The following CLTA variants were observed in gnomAD, a reference collection of about 807,000 sequenced individuals.
CLTA encodes the protein clathrin light chain A.
In CLTA, 9 loss-of-function variants were observed where a neutral mutation model predicts 26.9. The ratio of observed to expected loss-of-function variants is 0.33; its 90% CI spans 0.20 to 0.58. CLTA has a LOEUF of 0.58. Ranked by LOEUF, CLTA falls within the 20% of genes least tolerant of loss-of-function variation. The pLI, the probability that CLTA is intolerant of heterozygous loss-of-function variation, is 0.85. For synonymous variants in CLTA, 120 were observed against 115.5 expected, an observed-to-expected ratio of 1.04 and a Z score of -0.25; for missense variants, 278 against 294.2, an observed-to-expected ratio of 0.94 and a Z score of 0.40.
chr9:36,196,999 C>T (rs1827089786), intron 1 of CLTA, among the ~76,000 whole-genome samples: 1 of 152,108 alleles, frequency 6.6e-6, no homozygotes, highest in Admixed American at 6.5e-5. Flanking sequence ...CATGGCGAAA[C>T]CCCCTTCCTA....
intron 4 of CLTA, among the ~76,000 whole-genome samples, chr9:36,210,218 A>C (rs932163050): frequency 1.6e-4 from 25 of 151,958 alleles, no homozygotes; most frequent in African/African-American, 5.3e-4. Flanking sequence ...ATGAGAAGTA[A>C]GGGTGGAATG....
In CLTA at chr9:36,191,116, G is replaced by C; in HGVS notation, c.60G>C (p.Gly20=). The C allele has an allele frequency of 6.2e-7, 1 of 1,601,086 alleles. No individual in the cohort carries two copies. Residue 20 remains glycine, a synonymous_variant, in exon 1 of 5, where the codon GGG becomes GGC. Coordinates refer to ENST00000345519, the MANE Select transcript of CLTA (RefSeq NM_001833.4). ...GCGCCCCTGGCGGTCCCGCGCTGGGGAACGGAGTGGCCGGCGCCGGCGAAG... is the reference window on the plus strand; with the variant it reads ...GCGCCCCTGGCGGTCCCGCGCTGGGCAACGGAGTGGCCGGCGCCGGCGAAG... ...PAGAPGGPAL[G]NGVAGAGEED... is the part of the protein sequence containing the mutation.
chr9:36,193,583 G>A (rs952747808), intron 1 of CLTA, among the ~76,000 whole-genome samples: 37 of 152,286 alleles, frequency 2.4e-4, no homozygotes, highest in Middle Eastern at 6.8e-3. Context: ...TGGGAGAAAG[G>A]AGTTACAAGG....
chr9:36,191,164 G>C lies in CLTA; in HGVS notation c.108G>C (p.Leu36Phe). 6.3e-7 allele frequency: 1 copy of C among 1,597,398 alleles called. No homozygotes were observed. The highest frequency in any genetic ancestry group is 8.5e-7 in the Non-Finnish European group (1 of 1,174,216). Reference sequence around the variant, plus strand: ...AAGAAGACCCGGCTGCGGCCTTCTTGGCGCAGCAAGAGAGCGAGATTGCGG... The same window carrying C: ...AAGAAGACCCGGCTGCGGCCTTCTTCGCGCAGCAAGAGAGCGAGATTGCGG... ...AGEEDPAAAF[L>F]AQQESEIAGI... is the part of the protein sequence containing the mutation. Residue 36 changes from leucine to phenylalanine, a missense_variant, in exon 1 of 5, where the codon TTG becomes TTC. Leu to Phe is a conservative substitution (Grantham distance 22, BLOSUM62 0). Coordinates refer to ENST00000345519, the MANE Select transcript of CLTA (RefSeq NM_001833.4).
chr9:36,207,273 G>T (rs1827782647), intron 4 of CLTA, among the ~76,000 whole-genome samples: 1 of 152,232 alleles, frequency 6.6e-6, no homozygotes, highest in African/African-American at 2.4e-5. Context: ...CCATGGAAAA[G>T]AATTTCCTTT....
intron 1 of CLTA, among the ~76,000 whole-genome samples, chr9:36,194,206 T>C (rs1267884248): frequency 1.3e-5 from 2 of 152,184 alleles, no homozygotes; most frequent in Non-Finnish European, 2.9e-5. Context: ...TTTGTATTTT[T>C]AGTAGAGACG....
intron 4 of CLTA, among the ~76,000 whole-genome samples, chr9:36,206,677 T>C (rs892170111): frequency 2.0e-5 from 3 of 152,060 alleles, no homozygotes; most frequent in Non-Finnish European, 4.4e-5. Context: ...GGCAGATCAC[T>C]TGAGGTCAGG....
chr9:36,196,358 A>AT (rs1827043937), intron 1 of CLTA, among the ~76,000 whole-genome samples: 1 of 81,580 alleles, frequency 1.2e-5, no homozygotes, highest in Admixed American at 1.4e-4. Context: ...TTTTTTTTTT[A>AT]TTTTTTGAGA....
chr9:36,210,603 T>G (rs1208274944), intron 4 of CLTA: 4 of 1,614,136 alleles, frequency 2.5e-6, no homozygotes, highest in Non-Finnish European at 3.4e-6. Flanking sequence ...CTCTCGTTTC[T>G]TTTCTTCTCT....
intron 4 of CLTA, among the ~76,000 whole-genome samples, chr9:36,205,889 A>G (rs1479275711): frequency 6.6e-6 from 1 of 150,860 alleles, no homozygotes; most frequent in Non-Finnish European, 1.5e-5. Flanking sequence ...CCTCCCGAGT[A>G]GCTGGGACTA....
chr9:36,209,301 G>A (rs368458833), intron 4 of CLTA: 3 of 1,613,048 alleles, frequency 1.9e-6, no homozygotes, highest in Admixed American at 1.7e-5. Context: ...ACAACCCTTC[G>A]CTGACGTGAT....
In CLTA at chr9:36,191,245, G is replaced by A. The variant is rs529517129; in HGVS notation, c.189G>A (p.Gln63=). The A allele has an allele frequency of 3.3e-6, 5 of 1,533,610 alleles. No individual in the cohort carries two copies. In the South Asian group the frequency reaches 3.6e-5, roughly 11 times the overall value. ...AILDGGAPGP[Q]PHGEPPGGPD... ...TGGACGGCGGCGCCCCCGGGCCCCA[G>A]CCGCACGGCGAGCCGCCGGGGGGTC... is the stretch of plus-strand genomic sequence containing the variant. The change falls in exon 1 of 5, where the codon CAG becomes CAA. Residue 63 remains glutamine (Q), a synonymous_variant. Transcript: ENST00000345519.
At chr9:36,207,947 A>C (rs1827814224) in intron 4 of CLTA, among the ~76,000 whole-genome samples, 1 of 152,118 alleles carries the variant, frequency 6.6e-6, no homozygotes, top group Non-Finnish European at 1.5e-5. Flanking sequence ...TTTCCTGCTG[A>C]GTCACTTTAA....
chr9:36,203,019 G>A (rs903146369), intron 3 of CLTA, among the ~76,000 whole-genome samples: 1 of 151,948 alleles, frequency 6.6e-6, no homozygotes, highest in African/African-American at 2.4e-5. Flanking sequence ...TTTTAGTAGA[G>A]ACGGGATTTT....
chr9:36,211,969 G>A lies in CLTA; in HGVS notation c.*195G>A, dbSNP rs1302944717. The A allele has an allele frequency of 1.4e-6, 1 of 699,896 alleles. No individual in the cohort carries two copies. Among genetic ancestry groups the A allele is most frequent in the Admixed American group, 2.1e-5 (1 of 47,348 alleles). 43.4% of individuals were successfully genotyped at this position (699,896 alleles called of 1,614,324 possible). On this transcript the variant is annotated 3_prime_UTR_variant, in exon 5 of 5. Coordinates refer to ENST00000345519, the MANE Select transcript of CLTA (RefSeq NM_001833.4). ...TGGCATTCAGAGAGGAGGGAGAGGA[G>A]GAAGAGGAAGGGGAGGGAAGCTTCC...
intron 3 of CLTA, among the ~76,000 whole-genome samples, chr9:36,203,242 A>G (rs1827523612): frequency 6.6e-6 from 1 of 152,168 alleles, no homozygotes; most frequent in Non-Finnish European, 1.5e-5. Context: ...ATGTTTGAGA[A>G]TCCAATCTAG....
At chr9:36,195,692 T>C (rs1213381143) in intron 1 of CLTA, among the ~76,000 whole-genome samples, 1 of 152,098 alleles carries the variant, frequency 6.6e-6, no homozygotes, top group African/African-American at 2.4e-5. Context: ...CTGGGCCAGG[T>C]GCGGTGGCTC....
chr9:36,196,789 A>G (rs1025015260), intron 1 of CLTA, among the ~76,000 whole-genome samples: 2 of 152,232 alleles, frequency 1.3e-5, no homozygotes, highest in Non-Finnish European at 2.9e-5. Flanking sequence ...TAGGTGGCAC[A>G]TGCCTTAAAG....
At chr9:36,206,353 A>G (rs1018052037) in intron 4 of CLTA, among the ~76,000 whole-genome samples, 3 of 152,006 alleles carry the variant, frequency 2.0e-5, no homozygotes, top group African/African-American at 7.3e-5. Context: ...GACAGAAGAG[A>G]TGGTTTTTAC....
Sources: gnomAD v4.1 joint callset for allele counts (sites outside exome capture counted in the v4.1 genomes callset) on GRCh38, gnomAD v4.1.1 for gene constraint, MANE v1.5 for transcripts, NCBI Gene and HGNC (gene_info 2026-07-23, HGNC 2026-07-21) for gene names.